TRIM29: variants seen among roughly 807,000 people sequenced by gnomAD.
TRIM29 encodes the protein tripartite motif containing 29, also known as tripartite motif-containing protein 29.
A neutral mutation model predicts 57.3 loss-of-function variants in TRIM29; 52 were observed. That is an observed-to-expected ratio of 0.91 (90% CI 0.73 to 1.14). The LOEUF is 1.14. Ranked by LOEUF, TRIM29 falls within the 50% of genes most tolerant of loss-of-function variation. TRIM29 has a pLI of 0.00. For missense variants in TRIM29, 753 were observed against 774.6 expected (o/e 0.97, Z 0.33); for synonymous variants, 319 against 316.9 (o/e 1.01, Z -0.07).
chr11:120,131,490 T>C (rs1863721596), intron 1 of TRIM29, among the ~76,000 whole-genome samples: 1 of 152,054 alleles, frequency 6.6e-6, no homozygotes, highest in Admixed American at 6.6e-5. Flanking sequence ...TCTGCAGCTG[T>C]GGGCAGAAGA....
Position 120,128,411 on chromosome 11 carries a change from C to G in TRIM29, c.889G>C (p.Asp297His), listed in dbSNP as rs750291768. 1 of 1,611,970 alleles carries G rather than the reference C, an allele frequency of 6.2e-7. No homozygotes were observed. The highest frequency in any genetic ancestry group is 8.5e-7 in the Non-Finnish European group (1 of 1,180,002). ...DEAEKWQKEK[D>H]RIKSFTTNEK... ...TGGGGGCTGCTCACCTTGATGCGGT[C>G]CTTCTCCTTCTGCCACTTCTCAGCT... The change falls in exon 2 of 9, where the codon GAC becomes CAC. Residue 297 changes from aspartate (D) to histidine (H), a missense_variant. Transcript: ENST00000341846.
intron 1 of TRIM29, among the ~76,000 whole-genome samples, chr11:120,136,902 A>G (rs1863827429): frequency 6.6e-6 from 1 of 152,166 alleles, no homozygotes; most frequent in African/African-American, 2.4e-5. Context: ...AGTGAGGTCT[A>G]TGCAGTTGGG....
At chr11:120,130,881 G>T (rs1308126186) in intron 1 of TRIM29, among the ~76,000 whole-genome samples, 1 of 152,182 alleles carries the variant, frequency 6.6e-6, no homozygotes, top group Admixed American at 6.5e-5. Context: ...GTGTTCAGTG[G>T]TGAGGATAGT....
intron 4 of TRIM29, 197 bp downstream of exon 4, chr11:120,125,494 A>G: frequency 1.7e-6 from 1 of 596,954 alleles, no homozygotes; most frequent in East Asian, 2.8e-5. Flanking sequence ...ATAGTTGCAT[A>G]ACTTTGGCAG....
chr11:120,127,160 A>G (rs193149987), intron 3 of TRIM29, among the ~76,000 whole-genome samples, 176 bp downstream of exon 3: 1 of 152,306 alleles, frequency 6.6e-6, no homozygotes, highest in African/African-American at 2.4e-5. Flanking sequence ...TTAAACAGAG[A>G]GAATGGCGCT....
chr11:120,137,183 G>A lies in TRIM29; in HGVS notation c.804+45C>T. On this transcript the variant is annotated intron_variant, in intron 1 of 8. Transcript: ENST00000341846. The surrounding 1 kb of genome is among the most constrained non-coding windows in gnomAD (Gnocchi z 6.2). The stretch of plus-strand genomic sequence containing the variant: ...AAGATGAAGTTCGGAGGGGTGGGGT[G>A]AGAGAGGAGAGGCCTGGAGGGGCAG... 6.3e-7 allele frequency: 1 copy of A among 1,599,210 alleles called. No individual in the cohort carries two copies. Among genetic ancestry groups the A allele is most frequent in the Non-Finnish European group, 8.5e-7 (1 of 1,170,054 alleles).
chr11:120,119,799 C>G (rs1863388324), intron 6 of TRIM29, among the ~76,000 whole-genome samples: 3 of 152,160 alleles, frequency 2.0e-5, no homozygotes, highest in African/African-American at 4.8e-5. Context: ...CCAGTCCCCT[C>G]CCTCCCTGTG....
chr11:120,128,581 G>T, intron 1 of TRIM29, 86 bp from the exon 2 acceptor site: 1 of 1,507,078 alleles, frequency 6.6e-7, no homozygotes, highest in Non-Finnish European at 9.0e-7. Flanking sequence ...CACTCAGGGG[G>T]CACACTCGCA....
chr11:120,128,645 G>T, intron 1 of TRIM29, 150 bp from the exon 2 acceptor site: 1 of 1,527,348 alleles, frequency 6.5e-7, no homozygotes, highest in Non-Finnish European at 8.8e-7. Flanking sequence ...CATTCATCAG[G>T]ACCTCGGATA....
At chr11:120,126,056 G>T in intron 3 of TRIM29, 167 bp from the exon 4 acceptor site, 1 of 669,938 alleles carries the variant, frequency 1.5e-6, no homozygotes, top group African/African-American at 1.8e-5. Context: ...TCAACTAAAA[G>T]CCACTGGATG....
Position 120,122,943 on chromosome 11 carries a change from C to T in TRIM29, c.1435+11G>A, listed in dbSNP as rs762330448. 9.3e-6 allele frequency: 15 copies of T among 1,612,100 alleles called. No individual in the cohort carries two copies. The highest frequency in any genetic ancestry group is 4.0e-5 in the African/African-American group (3 of 74,872). On this transcript the variant is annotated intron_variant, in intron 5 of 8. Transcript: ENST00000341846. ...GAGACACTAGGTCTGGGGTGAGGGG[C>T]TCCCTCTTACCTTTGGGTGTCAGGT...
In TRIM29 at chr11:120,119,466, G is replaced by A. The variant is rs147817493; in HGVS notation, c.1528+1107C>T. 1.6e-3 allele frequency among the ~76,000 whole-genome samples: 240 copies of A among 152,320 alleles called. 3 individuals are homozygous for A. Among genetic ancestry groups the A allele is most frequent in the African/African-American group, 5.3e-3 (220 of 41,582 alleles). Reference sequence around the variant, plus strand: ...TCTGTAGCAAGGCCTCAGTAAGCACGTCCAGCCAGGGTTCCGCGAGGCCAG... The same window carrying A: ...TCTGTAGCAAGGCCTCAGTAAGCACATCCAGCCAGGGTTCCGCGAGGCCAG... On this transcript the variant is annotated intron_variant, in intron 6 of 8. Transcript: ENST00000341846.
intron 5 of TRIM29, 57 bp downstream of exon 5, chr11:120,122,897 G>T: frequency 6.7e-7 from 1 of 1,482,816 alleles, no homozygotes; most frequent in Non-Finnish European, 9.4e-7. Flanking sequence ...CACGGACTTT[G>T]GGGGCCCCTG....
intron 1 of TRIM29, among the ~76,000 whole-genome samples, chr11:120,136,890 G>T (rs1399783911): frequency 2.0e-5 from 3 of 152,162 alleles, no homozygotes; most frequent in Non-Finnish European, 4.4e-5. Context: ...ACAGAGCCCA[G>T]AAGTGAGGTC....
intron 5 of TRIM29, chr11:120,122,059 T>TG: frequency 2.4e-6 from 1 of 423,982 alleles, no homozygotes; most frequent in Non-Finnish European, 4.8e-6. Flanking sequence ...TCAAACTGGG[T>TG]GGGGCGGCAC....
chr11:120,120,344 TACACACACACACACACACAC>T (rs71050727), intron 6 of TRIM29, among the ~76,000 whole-genome samples: 16 of 138,244 alleles, frequency 1.2e-4, no homozygotes, highest in Admixed American at 5.8e-4. Context: ...CCCACACATG[TACACACACACACACACACAC>T]ACACACACAC....
chr11:120,120,947 G>GT, intron 5 of TRIM29: 1 of 500,984 alleles, frequency 2.0e-6, no homozygotes, highest in Non-Finnish European at 3.7e-6. Context: ...CCACGTGAGG[G>GT]TGGGGCCTCC....
At chr11:120,120,759 C>G (rs1324731394) in intron 5 of TRIM29, 94 bp from the exon 6 acceptor site, 10 of 1,002,736 alleles carry the variant, frequency 1.0e-5, no homozygotes, top group Non-Finnish European at 1.5e-5. Flanking sequence ...ATCACAGGAC[C>G]TGGATTCCAC....
intron 1 of TRIM29, among the ~76,000 whole-genome samples, chr11:120,130,105 T>C (rs1863688464): frequency 1.3e-5 from 2 of 152,074 alleles, no homozygotes; most frequent in South Asian, 4.2e-4. Flanking sequence ...TCTCTGACGA[T>C]GCAGAGCCCA....
Sources: gnomAD v4.1 joint callset for allele counts (sites outside exome capture counted in the v4.1 genomes callset) on GRCh38, gnomAD v4.1.1 for gene constraint, Gnocchi (gnomAD v3.1) non-coding constraint, MANE v1.5 for transcripts, NCBI Gene and HGNC (gene_info 2026-07-23, HGNC 2026-07-21) for gene names.